RGL1: variants seen among roughly 807,000 people sequenced by gnomAD.
The protein encoded by RGL1 is ral guanine nucleotide dissociation stimulator-like 1.
RGL1 carries 24 observed loss-of-function variants against 95.2 expected under a neutral mutation model. The ratio of observed to expected loss-of-function variants is 0.25; its 90% CI spans 0.18 to 0.35. The LOEUF (loss-of-function observed/expected upper bound fraction) is 0.35, where lower values mean the gene tolerates loss of function less well. RGL1 is among the 10% of genes least tolerant of loss of function. RGL1 has a pLI of 1.00. For synonymous variants in RGL1, 329 were observed against 344.9 expected (o/e 0.95, Z 0.51); for missense variants, 715 against 936.3 (o/e 0.76, Z 3.08).
At chr1:183,752,682 CTCTCTCTCTCTCTCTCTCTCTCTT>C in intron 2 of RGL1, among the ~76,000 whole-genome samples, 1 of 145,196 alleles carries the variant, frequency 6.9e-6, no homozygotes. Flanking sequence ...CTTTCTCTCT[CTCTCTCTCTCTCTCTCTCTCTCTT>C]TCCCCTTTCC....
chr1:183,863,237 C>A (rs1213693862), intron 3 of RGL1, among the ~76,000 whole-genome samples: 1 of 152,198 alleles, frequency 6.6e-6, no homozygotes, highest in Non-Finnish European at 1.5e-5. Flanking sequence ...TTGTGAGACA[C>A]GTAAGACTTT....
At chr1:183,881,282 T>TTCCATAC (rs1666810854) in intron 5 of RGL1, among the ~76,000 whole-genome samples, 1 of 152,184 alleles carries the variant, frequency 6.6e-6, no homozygotes, top group African/African-American at 2.4e-5. Flanking sequence ...TCCCAAAAGC[T>TTCCATAC]TGGAAAAGGT....
rs538452219 is a variant in RGL1, at chr1:183,645,361, C to T, written c.-33+8860C>T. 3.3e-5 allele frequency among the ~76,000 whole-genome samples: 5 copies of T among 152,306 alleles called. No individual in the cohort carries two copies. In the East Asian group the frequency reaches 7.7e-4, roughly 23 times the overall value. ...GTAGTTGAGCATATAAAGCTAAGAC[C>T]CCCAAACCCTGGACCTTGGTAGATT... On this transcript the variant is annotated intron_variant, in intron 1 of 18. Transcript: ENST00000304685.
chr1:183,651,228 G>T (rs1174659), intron 1 of RGL1, among the ~76,000 whole-genome samples: 45,653 of 151,826 alleles, frequency 0.3, 7,269 homozygotes, highest in Middle Eastern at 0.38. Flanking sequence ...TAGTATTTAT[G>T]GTTTCATTTT....
At chr1:183,924,905 G>A (rs1254799307) in intron 17 of RGL1, among the ~76,000 whole-genome samples, 1 of 151,962 alleles carries the variant, frequency 6.6e-6, no homozygotes, top group African/African-American at 2.4e-5. Context: ...GGCAGAGGTT[G>A]CAGTGAGCTG....
At chr1:183,918,738 A>G (rs894192615) in intron 16 of RGL1, among the ~76,000 whole-genome samples, 14 of 151,950 alleles carry the variant, frequency 9.2e-5, no homozygotes, top group African/African-American at 2.9e-4. Context: ...TCTCCTGCCA[A>G]CCCCTTCCTG....
chr1:183,739,731 A>C (rs1410123389), intron 1 of RGL1, among the ~76,000 whole-genome samples: 2 of 152,204 alleles, frequency 1.3e-5, no homozygotes, highest in East Asian at 3.8e-4. Context: ...GTCCCTCCTT[A>C]GTTCCTGAGT....
At chr1:183,743,400 A>G (rs1657433226) in intron 2 of RGL1, among the ~76,000 whole-genome samples, 1 of 152,186 alleles carries the variant, frequency 6.6e-6, no homozygotes, top group Admixed American at 6.5e-5. Context: ...GAAACGTAAT[A>G]GGGAAAACAG....
At chr1:183,707,816 G>A (rs772876856) in intron 1 of RGL1, among the ~76,000 whole-genome samples, 48 of 152,120 alleles carry the variant, frequency 3.2e-4, no homozygotes, top group Middle Eastern at 3.4e-3. Context: ...TGGTTGAGAG[G>A]GGAGAGGTAG....
At chr1:183,882,210 T>G (rs1451574848) in intron 5 of RGL1, among the ~76,000 whole-genome samples, 1 of 152,246 alleles carries the variant, frequency 6.6e-6, no homozygotes, top group Non-Finnish European at 1.5e-5. Context: ...AGTGAAGGCA[T>G]GGACTATGCC....
chr1:183,901,643 TTC>T (rs1385795466), intron 11 of RGL1, among the ~76,000 whole-genome samples: 1 of 152,046 alleles, frequency 6.6e-6, no homozygotes, highest in African/African-American at 2.4e-5. Context: ...TGGGGTATTT[TTC>T]TCTCTCTCTG....
chr1:183,924,544 A>C (rs1669501309), intron 17 of RGL1, among the ~76,000 whole-genome samples: 1 of 152,186 alleles, frequency 6.6e-6, no homozygotes, highest in East Asian at 1.9e-4. Flanking sequence ...TGATGGGTGC[A>C]GCAAGCCACC....
intron 1 of RGL1, among the ~76,000 whole-genome samples, chr1:183,718,197 C>T (rs1302258135): frequency 1.3e-5 from 2 of 148,390 alleles, no homozygotes; most frequent in African/African-American, 2.5e-5. Flanking sequence ...TAGTGCCACT[C>T]TACTCCATCC....
chr1:183,777,857 T>C lies in RGL1; in HGVS notation c.133-28518T>C, dbSNP rs1433177599. ...TATGTACTTTTTATTGTCATTTGAA[T>C]TCTGCATGATGATAGTCTTCCTTTC... On this transcript the variant is annotated intron_variant, in intron 2 of 18. Coordinates refer to the RGL1 transcript ENST00000304685. Among the ~76,000 whole-genome samples, 3 of 152,220 alleles carry C rather than the reference T, an allele frequency of 2.0e-5. No individual in the cohort carries two copies. The East Asian group carries it at 5.8e-4, about 29-fold the overall frequency.
Position 183,883,792 on chromosome 1 carries a change from T to G in RGL1, c.617T>G (p.Leu206Arg). The G allele has an allele frequency of 6.2e-7, 1 of 1,614,060 alleles. No individual in the cohort carries two copies. The highest frequency in any genetic ancestry group is 8.5e-7 in the Non-Finnish European group (1 of 1,179,890). The part of the protein sequence containing the change: ...QKQEVETDNG[L>R]PNTISFSLEE... The stretch of plus-strand genomic sequence containing the variant: ...CTTTTCCATATGTGAACAGATGGGC[T>G]TCCCAACACGATCTCCTTCAGCCTG... The change falls in exon 6 of 18, where the codon CTT becomes CGT. Residue 206 changes from leucine (L) to arginine (R), a missense_variant. By Grantham distance (102) the Leu-to-Arg change is moderately radical (BLOSUM62 -2). Around this residue, in one of 3 missense-constraint regions of RGL1, gnomAD observed 381 missense variants for 484.8 expected, o/e 0.79. Coordinates refer to ENST00000360851, the MANE Select transcript of RGL1 (RefSeq NM_001297671.3).
At chr1:183,846,304 A>G (rs961765006) in intron 2 of RGL1, among the ~76,000 whole-genome samples, 1 of 152,078 alleles carries the variant, frequency 6.6e-6, no homozygotes, top group Non-Finnish European at 1.5e-5. Context: ...CAGAAAACCA[A>G]ACACCGCATG....
intron 3 of RGL1, among the ~76,000 whole-genome samples, chr1:183,865,328 A>G (rs1043390117): frequency 1.3e-5 from 2 of 152,182 alleles, no homozygotes; most frequent in African/African-American, 4.8e-5. Flanking sequence ...CCCAAAAATC[A>G]GACCCCTGCA....
intron 7 of RGL1, 140 bp downstream of exon 7, chr1:183,885,078 C>A: frequency 4.2e-6 from 3 of 720,600 alleles, no homozygotes; most frequent in Non-Finnish European, 6.7e-6. Flanking sequence ...TTTTGTTGTT[C>A]TTCCAGAGTA....
chr1:183,903,914 G>A (rs545755030), intron 12 of RGL1, among the ~76,000 whole-genome samples: 16 of 152,286 alleles, frequency 1.1e-4, no homozygotes, highest in Non-Finnish European at 1.5e-4. Flanking sequence ...ATTCCTTGAG[G>A]ATACTGAGAC....
Sources: allele counts gnomAD v4.1 joint callset (sites outside exome capture counted in the v4.1 genomes callset), GRCh38; gene constraint gnomAD v4.1.1; regional missense constraint gnomAD v4.1.1; transcripts MANE v1.5; gene names NCBI Gene and HGNC (gene_info 2026-07-23, HGNC 2026-07-21).